The following TRO variants were observed in gnomAD, a reference collection of about 807,000 sequenced individuals.
TRO encodes the protein MAGE superfamily protein.
TRO carries 29 observed loss-of-function variants against 42.3 expected under a neutral mutation model. The ratio of observed to expected loss-of-function variants is 0.68; its 90% CI spans 0.51 to 0.93. The LOEUF (loss-of-function observed/expected upper bound fraction) is 0.93, where lower values mean the gene tolerates loss of function less well. Ranked by LOEUF, TRO falls within the 40% of genes least tolerant of loss-of-function variation. TRO has a pLI of 0.00. For synonymous variants in TRO, 384 were observed against 425.2 expected (o/e 0.90, Z 1.19); for missense variants, 963 against 1,127.7 (o/e 0.85, Z 2.09).
intron 9 of TRO, 191 bp from the exon 10 acceptor site, chrX:54,926,852 C>A: frequency 1.6e-6 from 1 of 621,414 alleles, no homozygotes; most frequent in Non-Finnish European, 2.4e-6. Flanking sequence ...GTTAGATAGA[C>A]CTTCAGGGAT....
At chrX:54,924,766 T>G in intron 5 of TRO, 33 bp downstream of exon 5, 1 of 1,164,514 alleles carries the variant, frequency 8.6e-7, no homozygotes, top group Non-Finnish European at 1.2e-6. Flanking sequence ...CCTTGAGCTC[T>G]CCTCTCCACT....
rs779087655 is a variant in TRO, at chrX:54,930,622, G to A, written c.3898G>A (p.Gly1300Ser). 13 of 1,209,314 alleles carry A rather than the reference G, an allele frequency of 1.1e-5. No individual in the cohort carries two copies. Among genetic ancestry groups the A allele is most frequent in the Non-Finnish European group, 1.3e-5 (12 of 894,524 alleles). The change falls in exon 12 of 13, where the codon GGC (glycine) becomes AGC (serine). Residue 1300 changes from glycine to serine, a missense_variant. This residue lies in a region of TRO where 641 missense variants were observed against 811.3 expected (regional missense o/e 0.79). Transcript: ENST00000173898. ...GGGLGTNASF[G>S]STLGTSAGFS... ...TGGACTGGGCACCAATGCTAGTTTC[G>A]GCAGCACACTTGGCACCAGTGCTGG...
At chrX:54,925,232 T>TC (rs1339522091) in intron 6 of TRO, among the ~76,000 whole-genome samples, 164 bp downstream of exon 6, 3 of 110,367 alleles carry the variant, frequency 2.7e-5, no homozygotes, top group Non-Finnish European at 5.7e-5. Flanking sequence ...TTGCCATGGG[T>TC]CACACAGCAT....
intron 2 of TRO, 134 bp downstream of exon 2, chrX:54,922,425 G>A: frequency 1.1e-6 from 1 of 919,142 alleles, no homozygotes. Flanking sequence ...CATGGTGAAG[G>A]AGAGGAGAGG....
Position 54,929,942 on chromosome X carries a change from T to C in TRO, c.3218T>C (p.Val1073Ala), listed in dbSNP as rs749838842. Residue 1073 changes from valine (V) to alanine (A), a missense_variant, in exon 12 of 13, where the codon GTC (valine) becomes GCC (alanine). Coordinates refer to ENST00000173898, the MANE Select transcript of TRO (RefSeq NM_001039705.3). ...ACCAATGCCAGCTTTGGCTGTGCCG[T>C]CAGCACCAGTGCCAGCTTCAGTGGT... Reference protein sequence around the residue: ...LNTNASFGCAVSTSASFSGAV... With the variant: ...LNTNASFGCAASTSASFSGAV... The C allele has an allele frequency of 8.3e-7, 1 of 1,208,201 alleles. No individual in the cohort carries two copies. Among genetic ancestry groups the C allele is most frequent in the African/African-American group, 1.8e-5 (1 of 56,844 alleles).
chrX:54,931,155 A>G, intron 12 of TRO, 49 bp from the exon 13 acceptor site: 2 of 1,204,489 alleles, frequency 1.7e-6, no homozygotes, highest in Non-Finnish European at 2.2e-6. Context: ...AATTATGAGA[A>G]GACAGTGTAT....
chrX:54,930,782 CCAGCACGGGCTT>C lies in TRO; in HGVS notation c.4062_4073del (p.Thr1355_Ser1358del). The C allele has an allele frequency of 1.6e-6, 2 of 1,212,295 alleles. No individual in the cohort carries two copies. The highest frequency in any genetic ancestry group is 2.2e-6 in the Non-Finnish European group (2 of 895,602). ...ACTGGCTTTACTGGCGAACCCAGCA[CCAGCACGGGCTT>C]CAGTAGTGGACCCAGTTCTATTGTT... On this transcript the variant is annotated inframe_deletion, in exon 12 of 13. Transcript: ENST00000173898.
At position 54,930,700 on chromosome X, in the gene TRO, A is replaced by T. The variant is rs768584401; in HGVS notation, c.3976A>T (p.Ser1326Cys). 8.3e-7 allele frequency: 1 copy of T among 1,210,809 alleles called. No homozygotes were observed. Among genetic ancestry groups the T allele is most frequent in the African/African-American group, 1.7e-5 (1 of 57,403 alleles). Reference protein sequence around the residue: ...SDGFGSRPNASFDRGLSTIIG... With the variant: ...SDGFGSRPNACFDRGLSTIIG... ...TGGCTTTGGCAGTAGGCCTAATGCC[A>T]GCTTCGACAGAGGACTGAGTACCAT... Residue 1326 changes from serine (S) to cysteine (C), a missense_variant, in exon 12 of 13, where the codon AGC becomes TGC. Coordinates refer to ENST00000173898, the MANE Select transcript of TRO (RefSeq NM_001039705.3).
In TRO at chrX:54,924,670, G is replaced by A; in HGVS notation, c.1342G>A (p.Ala448Thr). 8.3e-7 allele frequency: 1 copy of A among 1,211,186 alleles called. No individual in the cohort carries two copies. The highest frequency in any genetic ancestry group is 1.1e-6 in the Non-Finnish European group (1 of 895,125). The change falls in exon 5 of 13, where the codon GCT (alanine) becomes ACT (threonine). Residue 448 changes from alanine to threonine, a missense_variant and splice_region_variant. By Grantham distance (58) the Ala-to-Thr change is moderately conservative. Transcript: ENST00000173898. ...PRDVAILQER[A>T]NKLVKYLLVK... ...TCTCCATCTATTCCTCTCCTCCCAG[G>A]CTAATAAGTTGGTGAAATACCTGTT...
At position 54,929,635 on chromosome X, in the gene TRO, G is replaced by T. The variant is rs778643346; in HGVS notation, c.2911G>T (p.Gly971Cys). The change falls in exon 12 of 13, where the codon GGT becomes TGT. Residue 971 changes from glycine to cysteine, a missense_variant. By Grantham distance (159) the Gly-to-Cys change is radical. Around this residue, in one of 2 missense-constraint regions of TRO, gnomAD observed 641 missense variants for 811.3 expected, o/e 0.79. Coordinates refer to ENST00000173898, the MANE Select transcript of TRO (RefSeq NM_001039705.3). The part of the protein sequence containing the change: ...GSPSTGAGFG[G>C]ALNTSASFGS... The stretch of plus-strand genomic sequence containing the variant: ...TCCCAGCACTGGTGCTGGCTTTGGT[G>T]GTGCTCTCAACACCAGTGCCAGCTT... 29 of 1,210,080 alleles carry T rather than the reference G, an allele frequency of 2.4e-5. No individual in the cohort carries two copies. The highest frequency in any genetic ancestry group is 3.1e-5 in the Non-Finnish European group (28 of 895,105).
intron 12 of TRO, 81 bp downstream of exon 12, chrX:54,931,112 G>A (rs1449432788): frequency 8.4e-7 from 1 of 1,184,699 alleles, no homozygotes; most frequent in Non-Finnish European, 1.1e-6. Flanking sequence ...ACTAAGGCAG[G>A]ACAGCAGGGT....
chrX:54,925,772 TAG>T (rs1932680009), intron 7 of TRO, 89 bp downstream of exon 7: 2 of 804,851 alleles, frequency 2.5e-6, no homozygotes, highest in East Asian at 3.4e-5. Flanking sequence ...CCCATCCTCT[TAG>T]AGAGTCAGGA....
chrX:54,923,096 T>C lies in TRO; in HGVS notation c.564T>C (p.Asn188=). 1 of 1,211,734 alleles carries C rather than the reference T, an allele frequency of 8.3e-7. No homozygotes were observed. Among genetic ancestry groups the C allele is most frequent in the Non-Finnish European group, 1.1e-6 (1 of 895,542 alleles). Residue 188 remains asparagine, a synonymous_variant, in exon 3 of 13, where the codon AAT becomes AAC. Transcript: ENST00000173898. The part of the protein sequence containing the change: ...ISQNIHAPIA[N]ESASSQALIT... ...AGAATATTCACGCTCCAATTGCCAATGAGTCAGCCAGTTCCCAAGCCTTGA... is the reference window on the plus strand; with the variant it reads ...AGAATATTCACGCTCCAATTGCCAACGAGTCAGCCAGTTCCCAAGCCTTGA...
In TRO at chrX:54,922,698, C is replaced by G; in HGVS notation, c.166C>G (p.Leu56Val). The G allele has an allele frequency of 8.3e-7, 1 of 1,210,980 alleles. No homozygotes were observed. The highest frequency in any genetic ancestry group is 1.1e-6 in the Non-Finnish European group (1 of 895,135). Residue 56 changes from leucine (L) to valine (V), a missense_variant, in exon 3 of 13, where the codon CTG becomes GTG. Leu to Val is a conservative substitution (Grantham distance 32). Coordinates refer to ENST00000173898, the MANE Select transcript of TRO (RefSeq NM_001039705.3). ...CCTGTTGGCGGCAACCAAGGACTCC[C>G]TGGCCATGGACCCACCAGTTGTCAA... ...HTLLAATKDSLAMDPPVVNRP... is the reference protein window; with the variant it reads ...HTLLAATKDSVAMDPPVVNRP...
Position 54,923,423 on chromosome X carries a change from CA to C in TRO, c.897del (p.Lys299AsnfsTer27). ...IEASVVAIRP[K>X]KSKGKKAASR... ...AGGCCTCAGTAGTGGCTATCAGGCC[CA>C]AAAAATCCAAGGGCAAGAAGGCTGC... On this transcript the variant is annotated frameshift_variant, in exon 3 of 13. Coordinates refer to ENST00000173898, the MANE Select transcript of TRO (RefSeq NM_001039705.3). 2 of 1,196,520 alleles carry C rather than the reference CA, an allele frequency of 1.7e-6. No individual in the cohort carries two copies. The highest frequency in any genetic ancestry group is 1.1e-6 in the Non-Finnish European group (1 of 887,429).
chrX:54,926,729 T>C, intron 9 of TRO, 104 bp downstream of exon 9: 3 of 1,154,796 alleles, frequency 2.6e-6, no homozygotes, highest in Non-Finnish European at 3.5e-6. Flanking sequence ...GCGGGTGGGG[T>C]GCTGGACTGG....
chrX:54,929,589 C>G lies in TRO; in HGVS notation c.2865C>G (p.Thr955=). ...CCAATTTTGGTGGTACACTAAGTACCAGCATCTGCTTTGATGGCTCTCCCA... is the reference window on the plus strand; with the variant it reads ...CCAATTTTGGTGGTACACTAAGTACGAGCATCTGCTTTGATGGCTCTCCCA... ...TSANFGGTLS[T]SICFDGSPST... Residue 955 remains threonine, a synonymous_variant, in exon 12 of 13, where the codon ACC becomes ACG. Coordinates refer to ENST00000173898, the MANE Select transcript of TRO (RefSeq NM_001039705.3). The G allele has an allele frequency of 8.3e-7, 1 of 1,211,832 alleles. No individual in the cohort carries two copies. The highest frequency in any genetic ancestry group is 1.1e-6 in the Non-Finnish European group (1 of 895,430).
intron 9 of TRO, 163 bp downstream of exon 9, chrX:54,926,788 T>G: frequency 1.3e-6 from 1 of 786,831 alleles, no homozygotes; most frequent in Non-Finnish European, 1.8e-6. Context: ...CAAATGGTCC[T>G]GAACTCTCTG....
At chrX:54,925,442 C>T (rs1022396919) in intron 6 of TRO, 150 bp from the exon 7 acceptor site, 2 of 474,263 alleles carry the variant, frequency 4.2e-6, no homozygotes, top group Non-Finnish European at 3.7e-6. Context: ...GGGTGCCAGG[C>T]ACTTGGCTAT....
Sources: allele counts gnomAD v4.1 joint callset (sites outside exome capture counted in the v4.1 genomes callset), GRCh38; gene constraint gnomAD v4.1.1; regional missense constraint gnomAD v4.1.1; transcripts MANE v1.5; gene names NCBI Gene and HGNC (gene_info 2026-07-23, HGNC 2026-07-21).